MPP7: variants seen among roughly 807,000 people sequenced by gnomAD.
MPP7 encodes MAGUK p55 subfamily member 7.
A neutral mutation model predicts 76.5 loss-of-function variants in MPP7; 60 were observed. That is an observed-to-expected ratio of 0.78 (90% CI 0.64 to 0.97). MPP7 has a LOEUF of 0.97. MPP7 is among the 50% of genes least tolerant of loss of function. MPP7 has a pLI of 0.00. For missense variants in MPP7, 641 were observed against 694.0 expected (o/e 0.92, Z 0.86); for synonymous variants, 237 against 244.5 (o/e 0.97, Z 0.29).
intron 3 of MPP7, among the ~76,000 whole-genome samples, chr10:28,166,023 C>CAAAAAAA (rs9299600): frequency 6.0e-5 from 6 of 99,912 alleles, no homozygotes; most frequent in Admixed American, 1.2e-4. Flanking sequence ...AGACTCATCT[C>CAAAAAAA]AAAAAAAAAA....
rs182331431 is a variant in MPP7, at chr10:28,234,931, C to T, written c.37+3637G>A. 4.3e-3 allele frequency among the ~76,000 whole-genome samples: 659 copies of T among 152,324 alleles called. 8 individuals are homozygous for T. Among genetic ancestry groups the T allele is most frequent in the African/African-American group, 0.015 (623 of 41,578 alleles). On this transcript the variant is annotated intron_variant, in intron 2 of 16. Transcript: ENST00000683449. ...GCTCAGGTGATCCTCCCACCTCAGC[C>T]TTCCAGGTAGCTGGAACTATAGGCA...
intron 3 of MPP7, among the ~76,000 whole-genome samples, chr10:28,154,749 G>GGT (rs1554842925): frequency 1.4e-5 from 2 of 140,248 alleles, no homozygotes; most frequent in African/African-American, 5.2e-5. Flanking sequence ...TTGGGGTGGG[G>GGT]GGTGGTGGGG....
In MPP7 at chr10:28,143,837, T is replaced by A. The variant is rs911667392; in HGVS notation, c.315+3646A>T. On this transcript the variant is annotated intron_variant, in intron 5 of 16. Coordinates refer to ENST00000683449, the MANE Select transcript of MPP7 (RefSeq NM_001318170.2). ...TTCCACCCATCCCACACTCTTTCAT[T>A]AGGACCTCAATCGTGTGCTGTGTGT... Among the ~76,000 whole-genome samples the A allele has an allele frequency of 1.9e-4, 28 of 150,714 alleles. 1 individual carries two copies. The highest frequency in any genetic ancestry group is 6.6e-4 in the African/African-American group (27 of 40,962).
chr10:28,222,150 G>A (rs1838530765), intron 2 of MPP7, among the ~76,000 whole-genome samples: 1 of 151,584 alleles, frequency 6.6e-6, no homozygotes, highest in Admixed American at 6.6e-5. Context: ...GGTCACTCAA[G>A]CCATCACAAA....
chr10:28,314,550 C>T (rs1311507504), intron 2 of MPP7, among the ~76,000 whole-genome samples: 1 of 152,158 alleles, frequency 6.6e-6, no homozygotes, highest in African/African-American at 2.4e-5. Context: ...GAAGTCCAAA[C>T]GATTTTGAGA....
chr10:28,122,704 C>A (rs1834883098), intron 8 of MPP7, among the ~76,000 whole-genome samples: 1 of 152,090 alleles, frequency 6.6e-6, no homozygotes. Context: ...GCTGATTTTT[C>A]TGTAAATGTT....
intron 3 of MPP7, among the ~76,000 whole-genome samples, chr10:28,159,285 G>A (rs141700544): frequency 2.6e-5 from 4 of 152,220 alleles, no homozygotes; most frequent in South Asian, 4.1e-4. Flanking sequence ...CTCAGAACTC[G>A]TCTTAGTTTC....
intron 1 of MPP7, among the ~76,000 whole-genome samples, chr10:28,300,631 A>G (rs1469388624): frequency 6.6e-6 from 1 of 152,156 alleles, no homozygotes; most frequent in African/African-American, 2.4e-5. Context: ...ATTAGCCACA[A>G]AACAAGAGAT....
At chr10:28,284,603 A>G (rs1256468348) in intron 1 of MPP7, among the ~76,000 whole-genome samples, 1 of 152,216 alleles carries the variant, frequency 6.6e-6, no homozygotes, top group African/African-American at 2.4e-5. Flanking sequence ...TTTTCCGAAG[A>G]AAACTTTATC....
chr10:28,200,189 C>T (rs968131570), intron 3 of MPP7, among the ~76,000 whole-genome samples: 1 of 152,162 alleles, frequency 6.6e-6, no homozygotes, highest in South Asian at 2.1e-4. Context: ...GTCCCAGGAA[C>T]CTGCCTCCTG....
At position 28,295,336 on chromosome 10, in the gene MPP7, G is replaced by A. The variant is rs187152319; in HGVS notation, c.-132+7525C>T. 2.9e-3 allele frequency among the ~76,000 whole-genome samples: 439 copies of A among 152,200 alleles called. 4 individuals are homozygous for A. The highest frequency in any genetic ancestry group is 0.01 in the African/African-American group (422 of 41,528). On this transcript the variant is annotated intron_variant, in intron 1 of 16. Coordinates refer to ENST00000683449, the MANE Select transcript of MPP7 (RefSeq NM_001318170.2). ...TGACAAAATGCCTAATCTCTATCCT[G>A]ATTATACTATGTACAAAAAGGGTAC... is the stretch of plus-strand genomic sequence containing the variant.
chr10:28,312,963 A>G (rs1841297830), intron 2 of MPP7, among the ~76,000 whole-genome samples: 1 of 152,218 alleles, frequency 6.6e-6, no homozygotes, highest in African/African-American at 2.4e-5. Context: ...GCACCCCCAC[A>G]GCAGGAGGGG....
intron 1 of MPP7, among the ~76,000 whole-genome samples, chr10:28,265,960 C>T (rs1054332309): frequency 6.6e-6 from 1 of 151,952 alleles, no homozygotes; most frequent in African/African-American, 2.4e-5. Flanking sequence ...TCACAAGGGC[C>T]TTCTGTTCTG....
intron 7 of MPP7, 102 bp from the exon 8 acceptor site, chr10:28,124,218 C>T: frequency 1.3e-6 from 1 of 781,134 alleles, no homozygotes; most frequent in Non-Finnish European, 2.2e-6. Context: ...TCCCTTAATA[C>T]ACTTAACGAA....
intron 2 of MPP7, among the ~76,000 whole-genome samples, chr10:28,324,964 C>T (rs1834398432): frequency 1.3e-5 from 2 of 152,220 alleles, no homozygotes; most frequent in Admixed American, 6.5e-5. Context: ...GTGTTCACAG[C>T]TCGCTGCAGC....
intron 12 of MPP7, among the ~76,000 whole-genome samples, chr10:28,080,071 G>C (rs1852688437): frequency 6.9e-6 from 1 of 145,414 alleles, no homozygotes; most frequent in South Asian, 2.3e-4. Flanking sequence ...GAGGGGGAGG[G>C]GGAGGGAGGG....
At chr10:28,138,167 C>A (rs1206714141) in intron 5 of MPP7, among the ~76,000 whole-genome samples, 2 of 152,180 alleles carry the variant, frequency 1.3e-5, no homozygotes, top group African/African-American at 2.4e-5. Context: ...ATGCCATATT[C>A]TAGAGATGAT....
upstream of MPP7, among the ~76,000 whole-genome samples, chr10:28,304,539 CA>C (rs1841236066): frequency 1.3e-5 from 2 of 152,164 alleles, no homozygotes; most frequent in Admixed American, 1.3e-4. Flanking sequence ...CTTTGGAGGA[CA>C]GAATAACCTT....
intron 3 of MPP7, among the ~76,000 whole-genome samples, chr10:28,184,446 T>G (rs1475466664): frequency 6.7e-6 from 1 of 149,244 alleles, no homozygotes; most frequent in East Asian, 1.9e-4. Flanking sequence ...TGGTGGCTCA[T>G]GCCTGTAATT....
Sources: allele counts gnomAD v4.1 joint callset (sites outside exome capture counted in the v4.1 genomes callset), GRCh38; gene constraint gnomAD v4.1.1; transcripts MANE v1.5; gene names NCBI Gene and HGNC (gene_info 2026-07-23, HGNC 2026-07-21).